KCNQ5: variants seen among roughly 807,000 people sequenced by gnomAD.
KCNQ5 encodes potassium voltage-gated channel subfamily Q member 5, also known as potassium voltage-gated channel subfamily KQT member 5.
In KCNQ5, 30 loss-of-function variants were observed where a neutral mutation model predicts 98.2. The ratio of observed to expected loss-of-function variants is 0.31; its 90% CI spans 0.23 to 0.41. The LOEUF is 0.41. Ranked by LOEUF, KCNQ5 falls within the 10% of genes least tolerant of loss-of-function variation. The pLI is 1.00. For missense variants in KCNQ5, 835 were observed against 1,182.5 expected (o/e 0.71, Z 4.31); for synonymous variants, 458 against 449.4 (o/e 1.02, Z -0.24).
At chr6:72,653,317 C>G (rs1765972362) in intron 1 of KCNQ5, among the ~76,000 whole-genome samples, 1 of 151,746 alleles carries the variant, frequency 6.6e-6, no homozygotes, top group Non-Finnish European at 1.5e-5. Flanking sequence ...TTTAAAGATC[C>G]TCCTTTGTTT....
chr6:72,975,071 T>C (rs1318606894), intron 1 of KCNQ5, among the ~76,000 whole-genome samples: 1 of 152,164 alleles, frequency 6.6e-6, no homozygotes, highest in Admixed American at 6.5e-5. Flanking sequence ...CCCAGCGCCA[T>C]TTAATATGTT....
At chr6:73,168,711 C>A (rs558704342) in intron 10 of KCNQ5, among the ~76,000 whole-genome samples, 37 of 141,312 alleles carry the variant, frequency 2.6e-4, no homozygotes, top group African/African-American at 8.1e-4. Context: ...GACTTTTTCT[C>A]AAAAAAAAAA....
At chr6:73,181,918 A>G (rs79275797) in intron 11 of KCNQ5, among the ~76,000 whole-genome samples, 1,744 of 152,366 alleles carry the variant, frequency 0.011, 17 homozygotes, top group South Asian at 0.036. Flanking sequence ...AGTGCTATCT[A>G]ATATTATCAT....
At chr6:72,893,099 C>T (rs1308022202) in intron 1 of KCNQ5, among the ~76,000 whole-genome samples, 6 of 152,078 alleles carry the variant, frequency 3.9e-5, no homozygotes, top group Non-Finnish European at 5.9e-5. Flanking sequence ...TATAAAACAG[C>T]TTTGTGAGCA....
intron 1 of KCNQ5, among the ~76,000 whole-genome samples, chr6:72,644,103 G>A (rs956658631): frequency 1.3e-5 from 2 of 152,086 alleles, no homozygotes; most frequent in African/African-American, 4.8e-5. Context: ...CACATAGTAG[G>A]TTGTTCTCAT....
intron 1 of KCNQ5, among the ~76,000 whole-genome samples, chr6:72,779,262 G>A (rs1339006741): frequency 6.6e-6 from 1 of 152,038 alleles, no homozygotes; most frequent in Non-Finnish European, 1.5e-5. Context: ...AAGAAGGAGA[G>A]GCCCAGGCCA....
chr6:72,739,983 A>G (rs1771046666), intron 1 of KCNQ5, among the ~76,000 whole-genome samples: 1 of 152,180 alleles, frequency 6.6e-6, no homozygotes, highest in African/African-American at 2.4e-5. Context: ...CGAGGTCAGG[A>G]CTGTAGGCAA....
intron 3 of KCNQ5, among the ~76,000 whole-genome samples, chr6:73,048,521 C>T (rs766996110): frequency 3.3e-5 from 5 of 152,254 alleles, no homozygotes; most frequent in Admixed American, 6.5e-5. Context: ...AAAGGTCCTA[C>T]GGGTTGCTGG....
At chr6:72,667,520 G>T (rs1403646243) in intron 1 of KCNQ5, among the ~76,000 whole-genome samples, 2 of 152,094 alleles carry the variant, frequency 1.3e-5, no homozygotes, top group Non-Finnish European at 2.9e-5. Flanking sequence ...AAAATAAGTG[G>T]ATAAGAGATG....
intron 3 of KCNQ5, among the ~76,000 whole-genome samples, chr6:73,061,555 C>A (rs897256600): frequency 6.6e-6 from 1 of 152,068 alleles, no homozygotes; most frequent in African/African-American, 2.4e-5. Flanking sequence ...CAAAGAGGGA[C>A]AATGCCAAAG....
chr6:72,672,548 G>A (rs1767181201), intron 1 of KCNQ5, among the ~76,000 whole-genome samples: 1 of 152,248 alleles, frequency 6.6e-6, no homozygotes, highest in Admixed American at 6.5e-5. Flanking sequence ...ATAAGTTTTG[G>A]TGTCAGAAGT....
intron 1 of KCNQ5, chr6:72,678,314 T>C (rs1767522286): frequency 6.6e-6 from 1 of 152,162 alleles, no homozygotes; most frequent in Non-Finnish European, 1.5e-5. Flanking sequence ...CATTATTACA[T>C]TGAATTCTCA....
At chr6:72,680,402 T>C (rs1767648163) in intron 1 of KCNQ5, among the ~76,000 whole-genome samples, 1 of 152,244 alleles carries the variant, frequency 6.6e-6, no homozygotes, top group Admixed American at 6.5e-5. Flanking sequence ...TGTGTGGATA[T>C]ACCACAGTTT....
At chr6:72,767,409 A>G (rs540356907) in intron 1 of KCNQ5, among the ~76,000 whole-genome samples, 3 of 152,020 alleles carry the variant, frequency 2.0e-5, no homozygotes, top group Non-Finnish European at 4.4e-5. Context: ...GGAGTAAATC[A>G]TTATAATCTT....
chr6:73,003,247 A>G (rs1298325296), intron 1 of KCNQ5, among the ~76,000 whole-genome samples: 2 of 152,320 alleles, frequency 1.3e-5, no homozygotes, highest in Non-Finnish European at 2.9e-5. Context: ...TCTGTTTCTT[A>G]TCCTTATATA....
intron 1 of KCNQ5, among the ~76,000 whole-genome samples, chr6:72,854,439 AT>A (rs927885686): frequency 1.4e-5 from 2 of 146,808 alleles, no homozygotes; most frequent in Non-Finnish European, 3.0e-5. Context: ...TAGAAAAAAA[AT>A]TTCTTTTTAC....
chr6:72,663,830 C>T (rs2154473010), intron 1 of KCNQ5, among the ~76,000 whole-genome samples: 1 of 152,114 alleles, frequency 6.6e-6, no homozygotes, highest in South Asian at 2.1e-4. Context: ...TTCTAGTGTT[C>T]TCAACCATTC....
chr6:72,733,839 C>A (rs1014191319), intron 1 of KCNQ5, among the ~76,000 whole-genome samples: 22 of 152,134 alleles, frequency 1.4e-4, no homozygotes, highest in Admixed American at 9.8e-4. Flanking sequence ...GTCCTGCAGC[C>A]CCATGAGGCT....
intron 1 of KCNQ5, among the ~76,000 whole-genome samples, chr6:72,636,657 T>G (rs1357483903): frequency 6.6e-6 from 1 of 152,184 alleles, no homozygotes; most frequent in African/African-American, 2.4e-5. Context: ...TAGGATATAA[T>G]TCTTCAATGT....
Sources: gnomAD v4.1 joint callset for allele counts (sites outside exome capture counted in the v4.1 genomes callset) on GRCh38, gnomAD v4.1.1 for gene constraint, MANE v1.5 for transcripts, NCBI Gene and HGNC (gene_info 2026-07-23, HGNC 2026-07-21) for gene names.